Variants in GRK3 observed in about 807,000 individuals in gnomAD.
GRK3 encodes adrenergic, beta, receptor kinase 2.
Under a neutral mutation model 95.7 loss-of-function variants are expected in GRK3, and 54 were observed. That is an observed-to-expected ratio of 0.56 (90% CI 0.45 to 0.71). GRK3 has a LOEUF of 0.71. GRK3 is among the 30% of genes least tolerant of loss of function. GRK3 has a pLI of 0.00. For synonymous variants in GRK3, 281 were observed against 290.8 expected (o/e 0.97, Z 0.34); for missense variants, 649 against 851.2 (o/e 0.76, Z 2.96).
intron 2 of GRK3, among the ~76,000 whole-genome samples, chr22:25,638,408 T>G (rs1283774630): frequency 6.6e-6 from 1 of 152,228 alleles, no homozygotes; most frequent in Non-Finnish European, 1.5e-5. Flanking sequence ...GAAACACTCA[T>G]GACAGTTGCA....
rs1045354850 is a variant in GRK3, at chr22:25,727,401, A to C, written c.*4951A>C. On this transcript the variant is annotated 3_prime_UTR_variant, in exon 21 of 21. Coordinates refer to ENST00000324198, the MANE Select transcript of GRK3 (RefSeq NM_005160.4). The stretch of plus-strand genomic sequence containing the variant: ...GAACTTTATATTTTCTTTGTCCTTA[A>C]GGACTAAGATAGTTGTTTTATTTCA... The C allele has an allele frequency of 2.0e-5, 3 of 152,194 alleles. No homozygotes were observed. The highest frequency in any genetic ancestry group is 7.2e-5 in the African/African-American group (3 of 41,450). The allele number at this position is 152,194 out of a possible 1,614,324, so 9.4% of individuals were successfully genotyped here.
At chr22:25,687,021 T>C (rs2085120238) in intron 10 of GRK3, among the ~76,000 whole-genome samples, 1 of 152,212 alleles carries the variant, frequency 6.6e-6, no homozygotes, top group Non-Finnish European at 1.5e-5. Flanking sequence ...AGTTTCACCA[T>C]GTTGACCAGG....
chr22:25,628,425 TAAAA>T (rs1014086741), intron 2 of GRK3, among the ~76,000 whole-genome samples: 30 of 152,316 alleles, frequency 2.0e-4, no homozygotes, highest in Non-Finnish European at 3.5e-4. Flanking sequence ...AGCAGTTTTG[TAAAA>T]GCAAAATATT....
At chr22:25,696,198 T>G (rs2085207646) in intron 13 of GRK3, among the ~76,000 whole-genome samples, 1 of 152,162 alleles carries the variant, frequency 6.6e-6, no homozygotes. Flanking sequence ...CAGGCTGGTC[T>G]CGAACTCCTG....
intron 2 of GRK3, among the ~76,000 whole-genome samples, chr22:25,634,522 A>G (rs927636465): frequency 4.6e-5 from 7 of 152,234 alleles, no homozygotes; most frequent in Admixed American, 2.0e-4. Flanking sequence ...TATTTTAGAA[A>G]ACTCTTGGAA....
intron 2 of GRK3, among the ~76,000 whole-genome samples, chr22:25,635,418 T>C (rs1036931732): frequency 4.6e-5 from 7 of 152,188 alleles, no homozygotes; most frequent in African/African-American, 1.7e-4. Context: ...AATACTATAA[T>C]ACTACTGTCT....
chr22:25,576,085 A>C (rs971659889), intron 1 of GRK3, among the ~76,000 whole-genome samples: 5 of 152,338 alleles, frequency 3.3e-5, no homozygotes, highest in African/African-American at 1.2e-4. Flanking sequence ...GATTTATCTG[A>C]AAAGCTACAC....
chr22:25,600,813 AAGAT>A (rs2146337325), intron 1 of GRK3, among the ~76,000 whole-genome samples: 1 of 152,356 alleles, frequency 6.6e-6, no homozygotes, highest in African/African-American at 2.4e-5. Context: ...TAAAGGTAAA[AAGAT>A]AGACAAATAT....
At chr22:25,663,952 G>A (rs775300153) in intron 5 of GRK3, among the ~76,000 whole-genome samples, 1 of 152,164 alleles carries the variant, frequency 6.6e-6, no homozygotes, top group East Asian at 1.9e-4. Context: ...GTAACATTAT[G>A]TTCTAGAAAT....
At chr22:25,697,259 CT>C (rs2085216669) in intron 13 of GRK3, among the ~76,000 whole-genome samples, 1 of 152,192 alleles carries the variant, frequency 6.6e-6, no homozygotes, top group African/African-American at 2.4e-5. Flanking sequence ...TGTAACACTG[CT>C]TCATTTTTTA....
chr22:25,622,436 T>C (rs1209446504), intron 2 of GRK3, among the ~76,000 whole-genome samples: 5 of 152,094 alleles, frequency 3.3e-5, no homozygotes, highest in Admixed American at 3.3e-4. Context: ...TTAGGGGACA[T>C]TTCTTTGAGG....
chr22:25,567,233 C>G (rs1488678248), intron 1 of GRK3, among the ~76,000 whole-genome samples: 2 of 152,140 alleles, frequency 1.3e-5, no homozygotes, highest in South Asian at 2.1e-4. Context: ...AATAGACTCT[C>G]GAATTGGGCC....
chr22:25,592,350 A>C (rs1932520802), intron 1 of GRK3, among the ~76,000 whole-genome samples: 1 of 152,086 alleles, frequency 6.6e-6, no homozygotes, highest in Non-Finnish European at 1.5e-5. Context: ...TTGAGCTTTA[A>C]AGCGTCTTTA....
At chr22:25,663,788 C>A in intron 5 of GRK3, 84 bp downstream of exon 5, 1 of 899,548 alleles carries the variant, frequency 1.1e-6, no homozygotes, top group Non-Finnish European at 1.8e-6. Context: ...TGTGCAATTA[C>A]ACTAGAGGAC....
chr22:25,656,249 GAAAAT>G (rs1051963983), intron 3 of GRK3, among the ~76,000 whole-genome samples: 2 of 152,158 alleles, frequency 1.3e-5, no homozygotes, highest in Admixed American at 6.5e-5. Flanking sequence ...ATGGGAAAGA[GAAAAT>G]AAATATTATT....
chr22:25,617,795 G>A (rs1374402040), intron 2 of GRK3, among the ~76,000 whole-genome samples: 1 of 150,748 alleles, frequency 6.6e-6, no homozygotes, highest in African/African-American at 2.4e-5. Flanking sequence ...CTTTTTTTTT[G>A]AGATGGAGTC....
Position 25,685,214 on chromosome 22 carries a change from A to G in GRK3, c.792A>G (p.Pro264=), listed in dbSNP as rs759703611. 1.2e-5 allele frequency: 19 copies of G among 1,613,558 alleles called. No homozygotes were observed. The highest frequency in any genetic ancestry group is 1.4e-5 in the Non-Finnish European group (16 of 1,179,620). ...GTATGACCTATGCCTTCCATACCCC[A>G]GATAAACTCTGCTTCATCCTGGATC... ...IVCMTYAFHT[P]DKLCFILDLM... is the part of the protein sequence containing the mutation. The change falls in exon 10 of 21, where the codon CCA becomes CCG. Residue 264 remains proline (P), a synonymous_variant. Transcript: ENST00000324198.
rs2085416611 is a variant in GRK3, at chr22:25,719,724, G to A, written c.1791+1343G>A. Reference sequence around the variant, plus strand: ...TGGGGGGGGGGCCTGGTGAGTCATCGTAAGCAGGACGATGGTCCCAAACAC... The same window carrying A: ...TGGGGGGGGGGCCTGGTGAGTCATCATAAGCAGGACGATGGTCCCAAACAC... On this transcript the variant is annotated intron_variant, in intron 19 of 20. Coordinates refer to ENST00000324198, the MANE Select transcript of GRK3 (RefSeq NM_005160.4). 2.6e-5 allele frequency among the ~76,000 whole-genome samples: 4 copies of A among 151,314 alleles called. No individual in the cohort carries two copies. In the South Asian group the frequency reaches 8.4e-4, roughly 32 times the overall value.
At chr22:25,625,862 G>GC (rs2084623912) in intron 2 of GRK3, among the ~76,000 whole-genome samples, 1 of 151,794 alleles carries the variant, frequency 6.6e-6, no homozygotes, top group Non-Finnish European at 1.5e-5. Context: ...GCAGGGAAGG[G>GC]CCCCCTGTCC....
Sources: gnomAD v4.1 joint callset for allele counts (sites outside exome capture counted in the v4.1 genomes callset) on GRCh38, gnomAD v4.1.1 for gene constraint, MANE v1.5 for transcripts, NCBI Gene and HGNC (gene_info 2026-07-23, HGNC 2026-07-21) for gene names.